HADH: variants seen among roughly 807,000 people sequenced by gnomAD.
The protein encoded by HADH is hydroxyacyl-coenzyme A dehydrogenase, mitochondrial.
HADH carries 24 observed loss-of-function variants against 32.2 expected under a neutral mutation model. The observed-to-expected ratio is 0.75, with a 90% confidence interval of 0.54 to 1.05. The LOEUF (loss-of-function observed/expected upper bound fraction) is 1.05, where lower values mean the gene tolerates loss of function less well. HADH is among the 50% of genes least tolerant of loss of function. The pLI is 0.00. For synonymous variants in HADH, 139 were observed against 152.5 expected, an observed-to-expected ratio of 0.91 and a Z score of 0.65; for missense variants, 350 against 397.1, an observed-to-expected ratio of 0.88 and a Z score of 1.01.
chr4:107,998,837 G>A (rs529895572), intron 1 of HADH, among the ~76,000 whole-genome samples: 11 of 152,124 alleles, frequency 7.2e-5, no homozygotes, highest in Admixed American at 2.6e-4. Context: ...CATGGTTCCC[G>A]AAAGGTTGGT....
At chr4:107,992,587 G>C (rs1261077854) in intron 1 of HADH, among the ~76,000 whole-genome samples, 1 of 152,102 alleles carries the variant, frequency 6.6e-6, no homozygotes, top group Non-Finnish European at 1.5e-5. Context: ...GAAGTTGGAT[G>C]GTCTGCATGC....
At chr4:108,022,734 A>G (rs1735935756) in intron 4 of HADH, among the ~76,000 whole-genome samples, 1 of 152,172 alleles carries the variant, frequency 6.6e-6, no homozygotes, top group South Asian at 2.1e-4. Flanking sequence ...GTCAGCATTT[A>G]TTGAGCATTT....
At chr4:107,998,470 G>C (rs923197318) in intron 1 of HADH, among the ~76,000 whole-genome samples, 1 of 152,176 alleles carries the variant, frequency 6.6e-6, no homozygotes, top group Non-Finnish European at 1.5e-5. Context: ...AGTAGAGACA[G>C]GGTTTCACCA....
chr4:107,994,080 C>T (rs1734887570), intron 1 of HADH, among the ~76,000 whole-genome samples: 1 of 152,090 alleles, frequency 6.6e-6, no homozygotes, highest in Non-Finnish European at 1.5e-5. Flanking sequence ...CCAGTGGGCT[C>T]CCTGGGAACG....
intron 4 of HADH, 143 bp from the exon 5 acceptor site, chr4:108,023,331 T>A (rs747416095): frequency 1.4e-5 from 9 of 650,718 alleles, no homozygotes; most frequent in Admixed American, 2.5e-5. Flanking sequence ...ACATTGTTTC[T>A]GGCTTGAGAT....
chr4:108,014,695 T>G, intron 3 of HADH, 107 bp downstream of exon 3: 2 of 978,620 alleles, frequency 2.0e-6, no homozygotes, highest in Non-Finnish European at 3.2e-6. Context: ...TGCAGTTTTG[T>G]TCCATGCCTA....
chr4:107,992,183 C>T (rs1392324936), intron 1 of HADH, among the ~76,000 whole-genome samples: 1 of 152,116 alleles, frequency 6.6e-6, no homozygotes, highest in Admixed American at 6.5e-5. Flanking sequence ...CAGGGAGTGC[C>T]TTTTGAAACT....
rs1736380622 is a variant in HADH at position 108,034,278 on chromosome 4, C to G, written c.866C>G (p.Pro289Arg). The G allele has an allele frequency of 6.2e-7, 1 of 1,612,998 alleles. No individual in the cohort carries two copies. Among genetic ancestry groups the G allele is most frequent in the Admixed American group, 1.7e-5 (1 of 60,006 alleles). Residue 289 changes from proline to arginine, a missense_variant, in exon 8 of 8, where the codon CCC becomes CGC. Physicochemically the swap from Pro to Arg is moderately radical, Grantham distance 103. Transcript: ENST00000309522. ...EMDAENPLHQ[P>R]SPSLNKLVAE... ...GATGCAGAGAACCCATTACATCAGC[C>G]CAGCCCATCCTTAAATAAGCTGGTA...
At position 108,033,162 on chromosome 4, in the gene HADH, C is replaced by G; in HGVS notation, c.710-14C>G. 1 of 1,365,830 alleles carries G rather than the reference C, an allele frequency of 7.3e-7. No homozygotes were observed. Among genetic ancestry groups the G allele is most frequent in the Non-Finnish European group, 1.0e-6 (1 of 953,564 alleles). The allele number at this position is 1,365,830 out of a possible 1,614,324, so 84.6% of individuals were successfully genotyped here. The stretch of plus-strand genomic sequence containing the variant: ...AAAGGTGGTGGTGACCCAGTGCTGC[C>G]GTTTTCTCCTTAGGTGACGCATCCA... On this transcript the variant is annotated splice_polypyrimidine_tract_variant and intron_variant, in intron 6 of 7. Transcript: ENST00000309522.
At chr4:108,014,863 T>G (rs1303836494) in intron 3 of HADH, among the ~76,000 whole-genome samples, 1 of 152,208 alleles carries the variant, frequency 6.6e-6, no homozygotes, top group Non-Finnish European at 1.5e-5. Flanking sequence ...TACCTGTTAT[T>G]TAGCTATCAC....
intron 2 of HADH, among the ~76,000 whole-genome samples, chr4:108,011,506 A>G (rs1188111816): frequency 1.3e-5 from 2 of 152,104 alleles, no homozygotes; most frequent in African/African-American, 4.8e-5. Flanking sequence ...TCAGGGTGAG[A>G]TCTGGGTGGG....
rs762382167 is a variant in HADH, at chr4:108,014,557, C to G, written c.388C>G (p.Leu130Val). The G allele has an allele frequency of 1.2e-6, 2 of 1,613,890 alleles. No homozygotes were observed. Among genetic ancestry groups the G allele is most frequent in the South Asian group, 2.2e-5 (2 of 91,064 alleles). The stretch of plus-strand genomic sequence containing the variant: ...GGAGAATCTGAAGGTGAAAAACGAG[C>G]TCTTCAAAAGGCTGGACAAGTTTGC... ...IVENLKVKNELFKRLDKFAAE... is the reference protein window; with the variant it reads ...IVENLKVKNEVFKRLDKFAAE... Residue 130 changes from leucine (L) to valine (V), a missense_variant, in exon 3 of 8, where the codon CTC becomes GTC. Transcript: ENST00000309522.
At chr4:108,025,500 C>T (rs1174239201) in intron 5 of HADH, 1 of 152,050 alleles carries the variant, frequency 6.6e-6, no homozygotes, top group East Asian at 1.9e-4. Context: ...TAGAACAGTA[C>T]CTGGCACACA....
At chr4:108,004,648 T>C (rs1199949557) in intron 1 of HADH, 5 of 1,514,014 alleles carry the variant, frequency 3.3e-6, no homozygotes, top group Non-Finnish European at 4.4e-6. Flanking sequence ...ACCATGAACT[T>C]CCATATCTGT....
intron 2 of HADH, among the ~76,000 whole-genome samples, chr4:108,010,642 T>C (rs1424481392): frequency 2.6e-5 from 4 of 152,226 alleles, no homozygotes; most frequent in Non-Finnish European, 5.9e-5. Flanking sequence ...TATATCTAGA[T>C]GCTTTTAAAA....
chr4:108,033,506 C>T (rs897157996), intron 7 of HADH, among the ~76,000 whole-genome samples: 4 of 152,064 alleles, frequency 2.6e-5, no homozygotes, highest in Non-Finnish European at 5.9e-5. Context: ...AAAAAAAAAC[C>T]TTTATGGATT....
chr4:108,016,456 A>G (rs1735697533), intron 3 of HADH, among the ~76,000 whole-genome samples: 1 of 152,204 alleles, frequency 6.6e-6, no homozygotes, highest in Admixed American at 6.5e-5. Flanking sequence ...TCACACTGGC[A>G]TCTAGAGGCT....
chr4:107,991,317 C>G (rs1428162516), intron 1 of HADH, among the ~76,000 whole-genome samples: 1 of 152,154 alleles, frequency 6.6e-6, no homozygotes, highest in East Asian at 1.9e-4. Flanking sequence ...ACTACTGTGG[C>G]TACAGTCATG....
rs1471706049 is a variant in HADH, at chr4:108,034,877, T to A, written c.*520T>A. ...CCTACATTTTGGGCATGACATAAGA[T>A]GTGTCTTTATTCAGCTCGTCGTGAA... On this transcript the variant is annotated 3_prime_UTR_variant, in exon 8 of 8. Transcript: ENST00000309522. 1.2e-5 allele frequency: 3 copies of A among 242,942 alleles called. No individual in the cohort carries two copies. The Admixed American group carries it at 1.5e-4, about 12-fold the overall frequency. The allele number at this position is 242,942 out of a possible 1,614,324, so 15.0% of individuals were successfully genotyped here. A position where few individuals can be genotyped will look rare whatever the true frequency, so the allele number is the denominator to read the frequency against.
Sources: allele counts gnomAD v4.1 joint callset (sites outside exome capture counted in the v4.1 genomes callset), GRCh38; gene constraint gnomAD v4.1.1; transcripts MANE v1.5; gene names NCBI Gene and HGNC (gene_info 2026-07-23, HGNC 2026-07-21).